The following CDH8 variants were observed in gnomAD, a reference collection of about 807,000 sequenced individuals.
The protein encoded by CDH8 is cadherin 8.
Under a neutral mutation model 68.1 loss-of-function variants are expected in CDH8, and 17 were observed. The ratio of observed to expected loss-of-function variants is 0.25; its 90% confidence interval spans 0.17 to 0.37. CDH8 has a LOEUF of 0.37. CDH8 is among the 10% of genes least tolerant of loss of function. The pLI, the probability that CDH8 is intolerant of heterozygous loss-of-function variation, is 1.00. For synonymous variants in CDH8, 372 were observed against 365.1 expected (o/e 1.02, Z -0.21); for missense variants, 763 against 999.3 (o/e 0.76, Z 3.19).
rs182404487 is a variant in CDH8 at position 61,651,965 on chromosome 16, T to C, written c.*1643A>G. 2.1e-5 allele frequency: 10 copies of C among 474,082 alleles called. No homozygotes were observed. In the East Asian group the frequency reaches 1.5e-3, roughly 73 times the overall value. The allele number at this position is 474,082 out of a possible 1,614,324, so 29.4% of individuals were successfully genotyped here. Reference sequence around the variant, plus strand: ...ATTTTAGTTTGAGTTGATGATTCTGTTAATAGATCTTCCACTGATTGAAAA... The same window carrying C: ...ATTTTAGTTTGAGTTGATGATTCTGCTAATAGATCTTCCACTGATTGAAAA... On this transcript the variant is annotated 3_prime_UTR_variant, in exon 12 of 12. Transcript: ENST00000577390.
chr16:62,014,722 C>T (rs1901894791), intron 2 of CDH8, among the ~76,000 whole-genome samples: 1 of 152,154 alleles, frequency 6.6e-6, no homozygotes, highest in East Asian at 1.9e-4. Context: ...GAAAATGAGT[C>T]AGTGCCTTGG....
At chr16:61,942,634 G>A (rs1341083634) in intron 2 of CDH8, among the ~76,000 whole-genome samples, 1 of 152,154 alleles carries the variant, frequency 6.6e-6, no homozygotes, top group Non-Finnish European at 1.5e-5. Flanking sequence ...CCACTCTACT[G>A]CTAGCTCACA....
intron 8 of CDH8, among the ~76,000 whole-genome samples, chr16:61,737,678 C>T (rs1959736859): frequency 1.3e-5 from 2 of 152,062 alleles, no homozygotes; most frequent in African/African-American, 4.8e-5. Flanking sequence ...ATGTAATTAA[C>T]CAACGGACAC....
At chr16:61,938,610 TAAAAA>T (rs995866021) in intron 2 of CDH8, among the ~76,000 whole-genome samples, 3 of 152,046 alleles carry the variant, frequency 2.0e-5, no homozygotes, top group Non-Finnish European at 4.4e-5. Context: ...AAGCTAGAAA[TAAAAA>T]AATAAATAAA....
intron 3 of CDH8, among the ~76,000 whole-genome samples, chr16:61,867,179 A>T (rs1233418325): frequency 3.3e-5 from 5 of 152,218 alleles, no homozygotes; most frequent in Non-Finnish European, 4.4e-5. Context: ...CAGAGTTTTT[A>T]AAAAATATTT....
chr16:61,747,078 G>T (rs565207595), intron 8 of CDH8, among the ~76,000 whole-genome samples: 3 of 152,000 alleles, frequency 2.0e-5, no homozygotes, highest in Non-Finnish European at 2.9e-5. Context: ...GGATATATGC[G>T]AATGTAAACA....
intron 2 of CDH8, among the ~76,000 whole-genome samples, chr16:61,906,007 A>G (rs2143293164): frequency 6.6e-6 from 1 of 152,250 alleles, no homozygotes; most frequent in Non-Finnish European, 1.5e-5. Flanking sequence ...AGAGCATAGT[A>G]TGGGAGAGAA....
chr16:61,988,719 G>A (rs569220453), intron 2 of CDH8, among the ~76,000 whole-genome samples: 48 of 152,304 alleles, frequency 3.2e-4, no homozygotes, highest in Middle Eastern at 3.4e-3. Flanking sequence ...AGTTGGATGG[G>A]AAGTTTTTAA....
At chr16:61,907,944 G>C (rs1964090526) in intron 2 of CDH8, among the ~76,000 whole-genome samples, 1 of 151,154 alleles carries the variant, frequency 6.6e-6, no homozygotes, top group Admixed American at 6.6e-5. Flanking sequence ...TCAGGAGGCT[G>C]AGGCAGGAGA....
chr16:62,004,541 C>CA (rs753872647), intron 2 of CDH8, among the ~76,000 whole-genome samples: 2 of 151,700 alleles, frequency 1.3e-5, no homozygotes, highest in Non-Finnish European at 2.9e-5. Context: ...GTTATAACAA[C>CA]AAAAAAAGGT....
chr16:61,714,638 T>C (rs558681295), intron 9 of CDH8, among the ~76,000 whole-genome samples: 2 of 151,736 alleles, frequency 1.3e-5, no homozygotes, highest in South Asian at 2.1e-4. Flanking sequence ...AATGTGCTTG[T>C]TTCATTTGTA....
At chr16:61,802,125 G>T (rs1446260171) in intron 7 of CDH8, among the ~76,000 whole-genome samples, 2 of 129,532 alleles carry the variant, frequency 1.5e-5, no homozygotes, top group East Asian at 2.1e-4. Context: ...ATCTGAGAAC[G>T]GGCAGACTGC....
intron 2 of CDH8, among the ~76,000 whole-genome samples, chr16:62,017,611 G>T (rs1349981958): frequency 6.6e-6 from 1 of 152,176 alleles, no homozygotes; most frequent in African/African-American, 2.4e-5. Context: ...GGAGATCGAG[G>T]CTTCAGTGAG....
intron 10 of CDH8, among the ~76,000 whole-genome samples, chr16:61,684,007 T>C (rs1039889182): frequency 6.6e-6 from 1 of 152,018 alleles, no homozygotes; most frequent in Non-Finnish European, 1.5e-5. Flanking sequence ...CAGACATTTT[T>C]GAGGATACCT....
chr16:61,813,582 G>A (rs1021451825), intron 7 of CDH8, among the ~76,000 whole-genome samples: 3 of 152,194 alleles, frequency 2.0e-5, no homozygotes, highest in African/African-American at 7.2e-5. Flanking sequence ...CACGGGCAGG[G>A]GGAGAAGCCT....
chr16:61,988,428 C>T (rs1567558127), intron 2 of CDH8, among the ~76,000 whole-genome samples: 1 of 152,156 alleles, frequency 6.6e-6, no homozygotes, highest in African/African-American at 2.4e-5. Flanking sequence ...CTTGATTAAG[C>T]AGGTGCTCTT....
chr16:61,807,172 G>A (rs1408417673), intron 7 of CDH8, among the ~76,000 whole-genome samples: 2 of 151,340 alleles, frequency 1.3e-5, no homozygotes. Context: ...GTTCTTTGTA[G>A]GGACATGGAT....
At chr16:61,958,949 C>G (rs563542778) in intron 2 of CDH8, among the ~76,000 whole-genome samples, 3 of 152,064 alleles carry the variant, frequency 2.0e-5, no homozygotes, top group African/African-American at 7.2e-5. Context: ...CCTTAGAGAC[C>G]GTACAAAATT....
chr16:61,883,480 T>C (rs1963615424), intron 3 of CDH8, among the ~76,000 whole-genome samples: 1 of 152,120 alleles, frequency 6.6e-6, no homozygotes, highest in Admixed American at 6.6e-5. Flanking sequence ...TTAATGATAC[T>C]TATATATTAA....
Sources: gnomAD v4.1 joint callset for allele counts (sites outside exome capture counted in the v4.1 genomes callset) on GRCh38, gnomAD v4.1.1 for gene constraint, MANE v1.5 for transcripts, NCBI Gene and HGNC (gene_info 2026-07-23, HGNC 2026-07-21) for gene names.